The following HFM1 variants were observed in gnomAD, a reference collection of about 807,000 sequenced individuals.
HFM1 encodes the protein helicase for meiosis 1.
Under a neutral mutation model 192.1 loss-of-function variants are expected in HFM1, and 169 were observed. That is an observed-to-expected ratio of 0.88 (90% confidence interval 0.78 to 1.00). The LOEUF (loss-of-function observed/expected upper bound fraction) is 1.00, where lower values mean the gene tolerates loss of function less well. HFM1 is among the 50% of genes least tolerant of loss of function. HFM1 has a pLI of 0.00. For synonymous variants in HFM1, 525 were observed against 537.8 expected (o/e 0.98, Z 0.33); for missense variants, 1,661 against 1,668.0 (o/e 1.00, Z 0.07).
chr1:91,340,361 A>T (rs770682764), intron 20 of HFM1, among the ~76,000 whole-genome samples: 1 of 152,206 alleles, frequency 6.6e-6, no homozygotes, highest in Non-Finnish European at 1.5e-5. Flanking sequence ...TATCCAGCCA[A>T]AATAAGCTTC....
intron 19 of HFM1, 91 bp from the exon 20 acceptor site, chr1:91,343,601 T>C (rs1261803363): frequency 7.4e-6 from 4 of 539,132 alleles, no homozygotes; most frequent in Non-Finnish European, 1.3e-5. Context: ...AGTTGTGCTA[T>C]TACTGTGTAA....
chr1:91,275,574 T>C (rs547254445), intron 32 of HFM1, among the ~76,000 whole-genome samples: 2 of 152,316 alleles, frequency 1.3e-5, no homozygotes, highest in Admixed American at 6.5e-5. Flanking sequence ...AATATCTACC[T>C]GAATGAGACC....
intron 3 of HFM1, among the ~76,000 whole-genome samples, chr1:91,395,702 T>C (rs1663573513): frequency 6.6e-6 from 1 of 152,080 alleles, no homozygotes; most frequent in Admixed American, 6.6e-5. Flanking sequence ...ACATAACGAG[T>C]ATACATATTT....
chr1:91,326,720 T>C (rs1652965903), intron 20 of HFM1, among the ~76,000 whole-genome samples: 1 of 152,194 alleles, frequency 6.6e-6, no homozygotes, highest in Non-Finnish European at 1.5e-5. Context: ...AAACACAGAA[T>C]ATTATAACAC....
At chr1:91,317,357 T>C (rs1441122644) in intron 25 of HFM1, among the ~76,000 whole-genome samples, 2 of 152,252 alleles carry the variant, frequency 1.3e-5, no homozygotes, top group East Asian at 1.9e-4. Flanking sequence ...GAGGTTGCGG[T>C]GAGCCAAGAT....
chr1:91,261,948 T>TTA (rs1346283135), intron 38 of HFM1, among the ~76,000 whole-genome samples: 2 of 152,178 alleles, frequency 1.3e-5, no homozygotes, highest in African/African-American at 4.8e-5. Flanking sequence ...TCAAGTGACT[T>TTA]TACCCTTTAC....
intron 36 of HFM1, among the ~76,000 whole-genome samples, chr1:91,264,235 C>G (rs1041934495): frequency 6.6e-6 from 1 of 151,698 alleles, no homozygotes; most frequent in Non-Finnish European, 1.5e-5. Context: ...GAGAGGGAGA[C>G]TAAACAATAC....
At chr1:91,287,079 G>T (rs1427314964) in intron 30 of HFM1, among the ~76,000 whole-genome samples, 2 of 152,266 alleles carry the variant, frequency 1.3e-5, no homozygotes, top group African/African-American at 2.4e-5. Context: ...CAGCGAGGCT[G>T]GGGGAGGGGT....
In HFM1 at chr1:91,352,513, C is replaced by T. The variant is rs768148277; in HGVS notation, c.1970G>A (p.Arg657Gln). The T allele has an allele frequency of 3.2e-6, 5 of 1,577,038 alleles. No homozygotes were observed. Among genetic ancestry groups the T allele is most frequent in the Admixed American group, 1.8e-5 (1 of 54,360 alleles). ...DILQMIGRAG[R>Q]PQFDTTATAV... Reference sequence around the variant, plus strand: ...AAAGTTATTGTCACTTACTTGAGGTCGACCAGCTCTACCAATCATCTGTAG... The same window carrying T: ...AAAGTTATTGTCACTTACTTGAGGTTGACCAGCTCTACCAATCATCTGTAG... Residue 657 changes from arginine (R) to glutamine (Q), a missense_variant, in exon 16 of 39, where the codon CGA (arginine) becomes CAA (glutamine). Arg to Gln is a conservative substitution (Grantham distance 43). Transcript: ENST00000370425.
Position 91,394,323 on chromosome 1 carries a change from TTG to T in HFM1, c.262_263del (p.Gln88LysfsTer9). On this transcript the variant is annotated frameshift_variant, in exon 4 of 39. Transcript: ENST00000370425. LOFTEE classifies it high-confidence loss of function. ...NEDTNYISLT[Q>X]KFQFAFPSDK... ...CAGAAGGAAAGGCAAACTGGAATTT[TTG>T]TGTTAGTGAAATATAATTTGTATCT... 6.3e-7 allele frequency: 1 copy of T among 1,584,476 alleles called. No homozygotes were observed. Among genetic ancestry groups the T allele is most frequent in the East Asian group, 2.2e-5 (1 of 44,640 alleles).
At chr1:91,324,359 T>C (rs1384555116) in intron 21 of HFM1, among the ~76,000 whole-genome samples, 1 of 152,234 alleles carries the variant, frequency 6.6e-6, no homozygotes, top group East Asian at 1.9e-4. Context: ...CTTTCTTACA[T>C]ATTATTACAT....
chr1:91,378,478 T>C lies in HFM1; in HGVS notation c.1161A>G (p.Glu387=), dbSNP rs1661178932. ...ATTTCCTAGTCATGCTATCCCATTTTTCCTAGAGAGAAAAAAAAGCATACA... is the reference window on the plus strand; with the variant it reads ...ATTTCCTAGTCATGCTATCCCATTTCTCCTAGAGAGAAAAAAAAGCATACA... The part of the protein sequence containing the change: ...QHAHIIMTTP[E]KWDSMTRKWR... Residue 387 remains glutamate (E), a splice_region_variant and synonymous_variant, in exon 10 of 39, where the codon GAA becomes GAG. Transcript: ENST00000370425. 6.3e-7 allele frequency: 1 copy of C among 1,587,614 alleles called. No homozygotes were observed. The highest frequency in any genetic ancestry group is 1.3e-5 in the African/African-American group (1 of 74,508).
chr1:91,277,816 T>C (rs1415005472), intron 30 of HFM1, among the ~76,000 whole-genome samples: 1 of 126,608 alleles, frequency 7.9e-6, no homozygotes, highest in Middle Eastern at 3.4e-3. Context: ...TAATATATAA[T>C]ATATATACTT....
intron 30 of HFM1, among the ~76,000 whole-genome samples, chr1:91,297,098 C>T (rs1219882946): frequency 6.6e-6 from 1 of 152,204 alleles, no homozygotes; most frequent in African/African-American, 2.4e-5. Flanking sequence ...CACCCTAATA[C>T]TGCACTTTTC....
intron 13 of HFM1, among the ~76,000 whole-genome samples, chr1:91,358,315 T>A (rs778990204): frequency 6.6e-6 from 1 of 152,020 alleles, no homozygotes; most frequent in Non-Finnish European, 1.5e-5. Flanking sequence ...AAAATTAGTA[T>A]GGAACCACAA....
At chr1:91,353,570 TA>T (rs1253944866) in intron 13 of HFM1, among the ~76,000 whole-genome samples, 1 of 137,640 alleles carries the variant, frequency 7.3e-6, no homozygotes, top group African/African-American at 2.7e-5. Context: ...CAAGTCAGTA[TA>T]AAAGTCTACT....
intron 13 of HFM1, among the ~76,000 whole-genome samples, chr1:91,374,866 A>AGT (rs769028463): frequency 1.3e-5 from 2 of 152,176 alleles, no homozygotes; most frequent in Non-Finnish European, 2.9e-5. Flanking sequence ...AACACCTAAG[A>AGT]GTGTGGCATT....
chr1:91,264,070 ACT>A (rs1665435232), intron 36 of HFM1, among the ~76,000 whole-genome samples: 3 of 152,128 alleles, frequency 2.0e-5, no homozygotes. Flanking sequence ...TGATAAAAAG[ACT>A]CATTTTAAGC....
In HFM1 at chr1:91,261,282, T is replaced by A. The variant is rs1665130626; in HGVS notation, c.*8A>T. 3 of 1,206,420 alleles carry A rather than the reference T, an allele frequency of 2.5e-6. No individual in the cohort carries two copies. The highest frequency in any genetic ancestry group is 3.3e-6 in the Non-Finnish European group (3 of 903,064). The allele number at this position is 1,206,420 out of a possible 1,614,324, so 74.7% of individuals were successfully genotyped here. A position where few individuals can be genotyped will look rare whatever the true frequency, so the allele number is the denominator to read the frequency against. ...TTCTCTTATCAATATAAAAAGTATTTGTTTGTTTTAGAAAATACCATCAAA... is the reference window on the plus strand; with the variant it reads ...TTCTCTTATCAATATAAAAAGTATTAGTTTGTTTTAGAAAATACCATCAAA... On this transcript the variant is annotated 3_prime_UTR_variant, in exon 39 of 39. Transcript: ENST00000370425.
Sources: allele counts gnomAD v4.1 joint callset (sites outside exome capture counted in the v4.1 genomes callset), GRCh38; gene constraint gnomAD v4.1.1; transcripts MANE v1.5; gene names NCBI Gene and HGNC (gene_info 2026-07-23, HGNC 2026-07-21).